The following ADCY5 variants were observed in gnomAD, a reference collection of about 807,000 sequenced individuals.
ADCY5 encodes the protein adenylate cyclase 5, also known as adenylate cyclase type 5.
Under a neutral mutation model 119.7 loss-of-function variants are expected in ADCY5, and 30 were observed. That is an observed-to-expected ratio of 0.25 (90% CI 0.19 to 0.34). The LOEUF is 0.34. ADCY5 is among the 10% of genes least tolerant of loss of function. The pLI is 1.00. For synonymous variants in ADCY5, 753 were observed against 762.2 expected (o/e 0.99, Z 0.20); for missense variants, 1,324 against 1,775.2 (o/e 0.75, Z 4.57).
chr3:123,302,958 G>A (rs1939928689), intron 14 of ADCY5, 97 bp downstream of exon 14: 1 of 1,426,860 alleles, frequency 7.0e-7, no homozygotes, highest in South Asian at 1.3e-5. Flanking sequence ...GAGCTGGTGA[G>A]ACCCTGTCCT....
At chr3:123,415,648 G>A (rs926646009) in intron 1 of ADCY5, among the ~76,000 whole-genome samples, 1 of 152,160 alleles carries the variant, frequency 6.6e-6, no homozygotes, top group Non-Finnish European at 1.5e-5. Flanking sequence ...CAGAGAGAAG[G>A]CAGTTTAATT....
rs558490141 is a variant in ADCY5 at position 123,426,577 on chromosome 3, C to T, written c.1134+20835G>A. ...CCTAGGAGACCTCAGGTGATCTGCC[C>T]ATCTCAGCCTCCCAAAGTGCTGGGA... is the stretch of plus-strand genomic sequence containing the variant. On this transcript the variant is annotated intron_variant, in intron 1 of 20. Transcript: ENST00000462833. 1.7e-3 allele frequency among the ~76,000 whole-genome samples: 252 copies of T among 152,202 alleles called. 1 individual carries two copies. Among genetic ancestry groups the T allele is most frequent in the African/African-American group, 5.9e-3 (245 of 41,526 alleles).
intron 1 of ADCY5, among the ~76,000 whole-genome samples, chr3:123,378,486 T>C (rs941345234): frequency 1.3e-5 from 2 of 152,128 alleles, no homozygotes; most frequent in African/African-American, 2.4e-5. Flanking sequence ...CACGTCATCT[T>C]CTGGATGGCT....
At chr3:123,324,134 G>T (rs1001378837) in intron 8 of ADCY5, among the ~76,000 whole-genome samples, 2 of 152,092 alleles carry the variant, frequency 1.3e-5, no homozygotes, top group Non-Finnish European at 2.9e-5. Flanking sequence ...TGTTAAATGG[G>T]GGTCTTGGCT....
At chr3:123,364,339 G>A (rs1431239437) in intron 1 of ADCY5, among the ~76,000 whole-genome samples, 1 of 152,150 alleles carries the variant, frequency 6.6e-6, no homozygotes, top group South Asian at 2.1e-4. Flanking sequence ...TAAAACCAGA[G>A]AGAATAAGTC....
At chr3:123,330,191 C>T (rs1376514030) in intron 5 of ADCY5, among the ~76,000 whole-genome samples, 2 of 152,212 alleles carry the variant, frequency 1.3e-5, no homozygotes, top group Non-Finnish European at 2.9e-5. Context: ...ACCCGGCTGC[C>T]TTCCTGGCAG....
At chr3:123,348,081 A>C (rs11709983) in intron 2 of ADCY5, among the ~76,000 whole-genome samples, 178 bp from the exon 3 acceptor site, 206 of 56,000 alleles carry the variant, frequency 3.7e-3, no homozygotes, top group African/African-American at 9.7e-3. Context: ...ATGTGTGTGT[A>C]TGTGTGTGCA....
At chr3:123,306,360 C>A (rs777997308) in intron 12 of ADCY5, among the ~76,000 whole-genome samples, 7 of 152,110 alleles carry the variant, frequency 4.6e-5, no homozygotes, top group Non-Finnish European at 8.8e-5. Flanking sequence ...CCCTACTGCA[C>A]CCTGTACAAA....
chr3:123,393,564 T>TAATAAAATAAAA (rs113863106), intron 1 of ADCY5, among the ~76,000 whole-genome samples: 74 of 143,526 alleles, frequency 5.2e-4, no homozygotes, highest in African/African-American at 2.0e-3. Context: ...TTCTAAAAAA[T>TAATAAAATAAAA]TAAAATAAAA....
intron 2 of ADCY5, among the ~76,000 whole-genome samples, chr3:123,348,285 G>T (rs138511292): frequency 6.6e-6 from 1 of 152,040 alleles, no homozygotes; most frequent in East Asian, 1.9e-4. Flanking sequence ...CAGGTTGCTC[G>T]TCTGTAAAAT....
At chr3:123,385,308 C>CACACACACACACACACAT (rs146236659) in intron 1 of ADCY5, among the ~76,000 whole-genome samples, 158 of 147,328 alleles carry the variant, frequency 1.1e-3, no homozygotes, top group African/African-American at 3.7e-3. Context: ...CACACACACA[C>CACACACACACACACACAT]ACGCACGCAC....
intron 2 of ADCY5, among the ~76,000 whole-genome samples, chr3:123,349,270 C>T (rs545231774): frequency 6.6e-6 from 1 of 152,352 alleles, no homozygotes; most frequent in South Asian, 2.1e-4. Flanking sequence ...TGCCAACATC[C>T]TGCCCACGTA....
chr3:123,320,303 T>C (rs990489486), intron 9 of ADCY5, among the ~76,000 whole-genome samples: 1 of 152,184 alleles, frequency 6.6e-6, no homozygotes, highest in African/African-American at 2.4e-5. Context: ...TTCATAGACT[T>C]GGAGTGCTGA....
Position 123,448,362 on chromosome 3 carries a change from T to G in ADCY5, c.184A>C (p.Thr62Pro), listed in dbSNP as rs1559883333. The G allele has an allele frequency of 6.7e-7, 1 of 1,500,720 alleles. No individual in the cohort carries two copies. The highest frequency in any genetic ancestry group is 8.8e-7 in the Non-Finnish European group (1 of 1,135,888). The allele number at this position is 1,500,720 out of a possible 1,614,324, so 93.0% of individuals were successfully genotyped here. The stretch of plus-strand genomic sequence containing the variant: ...GCCAGGCGCTGCTGCTGCTGCGGGG[T>G]CACCGCCCCCCCGGGTTTCTTGGTG... The part of the protein sequence containing the change: ...GSTKKPGGAV[T>P]PQQQQRLASR... The change falls in exon 1 of 21, where the codon ACC becomes CCC. Residue 62 changes from threonine (T) to proline (P), a missense_variant. Physicochemically the swap from Thr to Pro is conservative, Grantham distance 38. Coordinates refer to ENST00000462833, the MANE Select transcript of ADCY5 (RefSeq NM_183357.3).
chr3:123,396,544 GAAAGAAAGAAAA>G (rs1422732409), intron 1 of ADCY5, among the ~76,000 whole-genome samples: 8 of 106,162 alleles, frequency 7.5e-5, no homozygotes, highest in Admixed American at 2.5e-4. Flanking sequence ...AAGAAAGAAA[GAAAGAAAGAAAA>G]AGAGAAAGAA....
At chr3:123,319,179 C>T (rs529481597) in intron 10 of ADCY5, among the ~76,000 whole-genome samples, 2 of 151,840 alleles carry the variant, frequency 1.3e-5, no homozygotes, top group Non-Finnish European at 2.9e-5. Flanking sequence ...CATGGTGAAA[C>T]CCCATCTCTA....
chr3:123,285,679 G>GGT (rs1206619160), intron 20 of ADCY5, among the ~76,000 whole-genome samples: 2 of 152,186 alleles, frequency 1.3e-5, no homozygotes, highest in Non-Finnish European at 2.9e-5. Flanking sequence ...GGGTCATTAT[G>GGT]GTGGCTGCTC....
intron 3 of ADCY5, among the ~76,000 whole-genome samples, chr3:123,338,810 C>A (rs1354395030): frequency 2.6e-5 from 4 of 152,236 alleles, no homozygotes; most frequent in African/African-American, 9.6e-5. Flanking sequence ...ACCACGTGCA[C>A]TTTTGGTGAA....
intron 14 of ADCY5, among the ~76,000 whole-genome samples, chr3:123,301,210 T>C (rs924903124): frequency 6.6e-6 from 1 of 152,146 alleles, no homozygotes; most frequent in Non-Finnish European, 1.5e-5. Context: ...TTAGCACCGT[T>C]GTTTCTGAGT....
Sources: gnomAD v4.1 joint callset for allele counts (sites outside exome capture counted in the v4.1 genomes callset) on GRCh38, gnomAD v4.1.1 for gene constraint, MANE v1.5 for transcripts, NCBI Gene and HGNC (gene_info 2026-07-23, HGNC 2026-07-21) for gene names.